Variants in SEMA6D observed in about 807,000 individuals in gnomAD.
SEMA6D encodes semaphorin-6D.
A neutral mutation model predicts 106.6 loss-of-function variants in SEMA6D; 35 were observed. The ratio of observed to expected loss-of-function variants is 0.33; its 90% CI spans 0.25 to 0.44. The LOEUF (loss-of-function observed/expected upper bound fraction) is 0.44. Among genes scored for constraint, SEMA6D ranks in the 20% least tolerant of loss-of-function variants. The probability of loss-of-function intolerance (pLI) is 1.00; values close to 1 mark genes in which losing one functional copy is unlikely to be tolerated. For synonymous variants in SEMA6D, 499 were observed against 487.7 expected, an observed-to-expected ratio of 1.02 and a Z score of -0.31; for missense variants, 1,185 against 1,345.9, an observed-to-expected ratio of 0.88 and a Z score of 1.87.
intron 1 of SEMA6D, among the ~76,000 whole-genome samples, chr15:47,382,153 T>G (rs2039660365): frequency 6.6e-6 from 1 of 152,144 alleles, no homozygotes; most frequent in Non-Finnish European, 1.5e-5. Context: ...AGTAATAGTA[T>G]TATTATATAT....
intron 4 of SEMA6D, among the ~76,000 whole-genome samples, chr15:47,711,887 A>G (rs1332875053): frequency 6.6e-6 from 1 of 152,212 alleles, no homozygotes; most frequent in African/African-American, 2.4e-5. Flanking sequence ...GCAATGAATC[A>G]GCTCCCTGTA....
chr15:47,670,092 T>C (rs1460725761), intron 4 of SEMA6D, among the ~76,000 whole-genome samples: 1 of 152,228 alleles, frequency 6.6e-6, no homozygotes, highest in Non-Finnish European at 1.5e-5. Flanking sequence ...CTTGTTCAAA[T>C]GGCATACTGG....
At chr15:47,323,704 T>G (rs2037015103) in intron 1 of SEMA6D, among the ~76,000 whole-genome samples, 1 of 152,142 alleles carries the variant, frequency 6.6e-6, no homozygotes, top group Non-Finnish European at 1.5e-5. Context: ...TACCTAGGAA[T>G]TTGTCTGTCT....
intron 3 of SEMA6D, among the ~76,000 whole-genome samples, chr15:47,489,754 C>T (rs899474778): frequency 2.6e-5 from 4 of 152,024 alleles, no homozygotes; most frequent in East Asian, 3.9e-4. Flanking sequence ...CAGGTTCAAG[C>T]GATTCTCCTG....
chr15:47,616,150 C>A (rs1326935257), intron 4 of SEMA6D, among the ~76,000 whole-genome samples: 1 of 151,398 alleles, frequency 6.6e-6, no homozygotes, highest in Non-Finnish European at 1.5e-5. Flanking sequence ...AGTGTCTAGA[C>A]CTTGACTTAA....
At chr15:47,532,269 A>C (rs952576321) in intron 3 of SEMA6D, among the ~76,000 whole-genome samples, 1 of 152,194 alleles carries the variant, frequency 6.6e-6, no homozygotes, top group African/African-American at 2.4e-5. Context: ...CAAAACAAAA[A>C]CAAAACCAAA....
intron 2 of SEMA6D, among the ~76,000 whole-genome samples, chr15:47,416,790 G>T (rs1021940982): frequency 6.6e-6 from 1 of 151,966 alleles, no homozygotes; most frequent in Admixed American, 6.6e-5. Flanking sequence ...TTTTATTAGC[G>T]TTTTGTGAAG....
intron 2 of SEMA6D, among the ~76,000 whole-genome samples, chr15:47,444,258 C>T (rs1243752129): frequency 6.6e-6 from 1 of 152,050 alleles, no homozygotes; most frequent in African/African-American, 2.4e-5. Flanking sequence ...AGATTGTGTC[C>T]CCCAAATAAG....
At chr15:47,708,643 C>T (rs2078959128) in intron 4 of SEMA6D, among the ~76,000 whole-genome samples, 2 of 152,214 alleles carry the variant, frequency 1.3e-5, no homozygotes, top group African/African-American at 2.4e-5. Context: ...GTTCATATCT[C>T]AGCCTCTAAT....
intron 1 of SEMA6D, among the ~76,000 whole-genome samples, chr15:47,398,478 A>T (rs1195346013): frequency 6.6e-6 from 1 of 152,202 alleles, no homozygotes; most frequent in Admixed American, 6.5e-5. Flanking sequence ...TGTCTATGCC[A>T]ATAAAATAAA....
chr15:47,574,454 C>A (rs1013162989), intron 3 of SEMA6D, among the ~76,000 whole-genome samples: 5 of 152,260 alleles, frequency 3.3e-5, no homozygotes, highest in Admixed American at 1.3e-4. Context: ...ATTCTATATA[C>A]ACATCAATTG....
At chr15:47,468,222 T>G (rs983452586) in intron 2 of SEMA6D, among the ~76,000 whole-genome samples, 1 of 152,088 alleles carries the variant, frequency 6.6e-6, no homozygotes, top group Non-Finnish European at 1.5e-5. Context: ...TGTTTCTTCA[T>G]CATTGAAAAT....
intron 4 of SEMA6D, among the ~76,000 whole-genome samples, chr15:47,639,448 A>T (rs567642932): frequency 7.9e-5 from 12 of 152,348 alleles, no homozygotes; most frequent in Admixed American, 5.2e-4. Flanking sequence ...CAAGTCTCCC[A>T]TGCAGATGAA....
intron 3 of SEMA6D, among the ~76,000 whole-genome samples, chr15:47,582,105 G>A (rs1332456008): frequency 6.6e-6 from 1 of 152,178 alleles, no homozygotes; most frequent in Admixed American, 6.5e-5. Context: ...GAGAAAAATA[G>A]GCCAGATAAA....
At chr15:47,220,109 C>G (rs2031052567) in intron 1 of SEMA6D, among the ~76,000 whole-genome samples, 1 of 152,128 alleles carries the variant, frequency 6.6e-6, no homozygotes, top group South Asian at 2.1e-4. Context: ...ATTCTGTTGG[C>G]CAAAACAAGT....
intron 1 of SEMA6D, among the ~76,000 whole-genome samples, chr15:47,354,777 A>G (rs572640988): frequency 3.4e-4 from 52 of 152,178 alleles, no homozygotes; most frequent in Admixed American, 3.4e-3. Context: ...CATGGTCTAC[A>G]ACAGGCCTTG....
intron 1 of SEMA6D, among the ~76,000 whole-genome samples, chr15:47,349,707 T>G (rs1567017611): frequency 6.7e-6 from 1 of 150,062 alleles, no homozygotes; most frequent in Non-Finnish European, 1.5e-5. Flanking sequence ...AAAATATGGA[T>G]CTAGAGATAA....
intron 3 of SEMA6D, among the ~76,000 whole-genome samples, chr15:47,569,380 G>A (rs1202488610): frequency 1.3e-5 from 2 of 152,088 alleles, no homozygotes; most frequent in African/African-American, 4.8e-5. Context: ...AACCTTTCAA[G>A]AGAAGACTGT....
chr15:47,337,343 T>C (rs1004423995), intron 1 of SEMA6D, among the ~76,000 whole-genome samples: 7 of 152,100 alleles, frequency 4.6e-5, no homozygotes, highest in African/African-American at 1.7e-4. Flanking sequence ...AAAGAGAACG[T>C]TGATGGCCAT....
Sources: allele counts gnomAD v4.1 joint callset (sites outside exome capture counted in the v4.1 genomes callset), GRCh38; gene constraint gnomAD v4.1.1; transcripts MANE v1.5; gene names NCBI Gene and HGNC (gene_info 2026-07-23, HGNC 2026-07-21).